The following LRP1B variants were observed in gnomAD, a reference collection of about 807,000 sequenced individuals.
LRP1B encodes the protein LDL receptor related protein 1B.
In LRP1B, 217 loss-of-function variants were observed where a neutral mutation model predicts 556.6. That is an observed-to-expected ratio of 0.39 (90% CI 0.35 to 0.44). The LOEUF is 0.44. Ranked by LOEUF, LRP1B falls within the 20% of genes least tolerant of loss-of-function variation. The pLI is 1.00. For missense variants in LRP1B, 5,053 were observed against 5,620.8 expected, an observed-to-expected ratio of 0.90 and a Z score of 3.23; for synonymous variants, 2,047 against 1,865.8, an observed-to-expected ratio of 1.10 and a Z score of -2.50.
chr2:141,442,129 T>G (rs1681000715), intron 3 of LRP1B, among the ~76,000 whole-genome samples: 2 of 152,304 alleles, frequency 1.3e-5, no homozygotes, highest in Admixed American at 1.3e-4. Context: ...GCTTTTCCTT[T>G]TCCATTTCCA....
intron 1 of LRP1B, among the ~76,000 whole-genome samples, chr2:141,941,712 G>A (rs1295866973): frequency 6.6e-6 from 1 of 152,170 alleles, no homozygotes; most frequent in Non-Finnish European, 1.5e-5. Flanking sequence ...GAAGAGTCCT[G>A]TAGAGCATTT....
rs141990349 is a variant in LRP1B, at chr2:141,160,863, A to T, written c.1013+27558T>A. Among the ~76,000 whole-genome samples, 13 of 151,252 alleles carry T rather than the reference A, an allele frequency of 8.6e-5. No homozygotes were observed. The East Asian group carries it at 1.8e-3, about 20-fold the overall frequency. On this transcript the variant is annotated intron_variant, in intron 7 of 90. Coordinates refer to ENST00000389484, the MANE Select transcript of LRP1B (RefSeq NM_018557.3). Reference sequence around the variant, plus strand: ...AAATTAATCTATATATATATATATAAAATAAGGTTCCAAAGGGCTATATAC... The same window carrying T: ...AAATTAATCTATATATATATATATATAATAAGGTTCCAAAGGGCTATATAC...
chr2:140,383,292 G>GA (rs1491187402), intron 67 of LRP1B, among the ~76,000 whole-genome samples: 1 of 139,702 alleles, frequency 7.2e-6, no homozygotes, highest in Non-Finnish European at 1.6e-5. Context: ...ACAGTGATGT[G>GA]CGTGTGTGTG....
chr2:141,242,284 G>A (rs1194695932), intron 5 of LRP1B, among the ~76,000 whole-genome samples: 2 of 151,988 alleles, frequency 1.3e-5, no homozygotes, highest in African/African-American at 4.8e-5. Context: ...TAAATTCTCC[G>A]CCTCCCAAAA....
chr2:140,916,515 C>T (rs534760373), intron 21 of LRP1B, among the ~76,000 whole-genome samples: 3 of 152,274 alleles, frequency 2.0e-5, no homozygotes, highest in African/African-American at 7.2e-5. Flanking sequence ...CCAGTCAGTT[C>T]TCTATGCCAG....
intron 6 of LRP1B, among the ~76,000 whole-genome samples, chr2:141,212,295 T>G (rs1260404115): frequency 2.8e-5 from 3 of 106,938 alleles, no homozygotes; most frequent in East Asian, 2.6e-4. Context: ...TTTTTTTTTT[T>G]TGTGACTGAG....
chr2:142,116,633 T>A (rs1707285492), intron 1 of LRP1B, among the ~76,000 whole-genome samples: 2 of 152,190 alleles, frequency 1.3e-5, no homozygotes, highest in Non-Finnish European at 2.9e-5. Context: ...GTTTTAATAT[T>A]GTATTATAGT....
At chr2:140,705,623 C>CT (rs1387182381) in intron 37 of LRP1B, among the ~76,000 whole-genome samples, 1 of 147,970 alleles carries the variant, frequency 6.8e-6, no homozygotes, top group East Asian at 2.1e-4. Flanking sequence ...AAGTCACTCT[C>CT]TTTTTTTCCA....
intron 43 of LRP1B, among the ~76,000 whole-genome samples, chr2:140,591,407 T>C (rs1461928856): frequency 2.1e-4 from 32 of 152,248 alleles, no homozygotes; most frequent in Admixed American, 2.0e-3. Flanking sequence ...TATCCAGCTA[T>C]TGACAGACCC....
At chr2:141,542,622 T>C (rs1685301712) in intron 2 of LRP1B, among the ~76,000 whole-genome samples, 2 of 152,116 alleles carry the variant, frequency 1.3e-5, no homozygotes, top group Admixed American at 6.6e-5. Context: ...AATTAGAGCC[T>C]CCAAGTATTG....
At chr2:141,920,124 A>G (rs529315299) in intron 1 of LRP1B, among the ~76,000 whole-genome samples, 5 of 152,004 alleles carry the variant, frequency 3.3e-5, no homozygotes, top group South Asian at 2.1e-4. Context: ...CTCAGTACCA[A>G]TGCACAGTCC....
chr2:141,321,315 A>G lies in LRP1B; in HGVS notation c.344-66674T>C, dbSNP rs545297298. ...ATTGGCTTGTAAAACTAAAAAGTAA[A>G]GAAATCAGGCACAGCTTTAATCAAG... On this transcript the variant is annotated intron_variant, in intron 3 of 90. Coordinates refer to ENST00000389484, the MANE Select transcript of LRP1B (RefSeq NM_018557.3). Among the ~76,000 whole-genome samples, 49 of 152,260 alleles carry G rather than the reference A, an allele frequency of 3.2e-4. No homozygotes were observed. In the South Asian group the frequency reaches 0.01, roughly 32 times the overall value.
intron 18 of LRP1B, among the ~76,000 whole-genome samples, chr2:140,972,874 C>T (rs1429360): frequency 0.73 from 110,120 of 149,854 alleles, 40,964 homozygotes; most frequent in Admixed American, 0.79. Flanking sequence ...TTTATAATGA[C>T]ACTATTTGGT....
In LRP1B at chr2:142,116,103, G is replaced by A. The variant is rs555608630; in HGVS notation, c.82+14545C>T. On this transcript the variant is annotated intron_variant, in intron 1 of 90. Coordinates refer to ENST00000389484, the MANE Select transcript of LRP1B (RefSeq NM_018557.3). ...GCGGTTGCATATGCCTGTAGTCCCA[G>A]CTACTCAAGAGCCTGGGAGGAGGAG... is the stretch of plus-strand genomic sequence containing the variant. 7.1e-5 allele frequency among the ~76,000 whole-genome samples: 10 copies of A among 140,702 alleles called. No individual in the cohort carries two copies. In the South Asian group the frequency reaches 2.3e-3, roughly 32 times the overall value. 92.3% of individuals were successfully genotyped at this position (140,702 alleles called of 152,430 possible).
intron 2 of LRP1B, among the ~76,000 whole-genome samples, chr2:141,653,397 A>G (rs1689872893): frequency 6.6e-6 from 1 of 152,188 alleles, no homozygotes; most frequent in Non-Finnish European, 1.5e-5. Context: ...GGCCAGAGAG[A>G]TTGCATCAGT....
At chr2:140,306,836 C>T (rs1573764764) in intron 83 of LRP1B, among the ~76,000 whole-genome samples, 1 of 152,056 alleles carries the variant, frequency 6.6e-6, no homozygotes, top group Non-Finnish European at 1.5e-5. Flanking sequence ...AAATGCGTCC[C>T]AGAGATTCTG....
At chr2:141,049,246 C>CAA (rs769105057) in intron 10 of LRP1B, 24 bp from the exon 11 acceptor site, 1 of 1,426,904 alleles carries the variant, frequency 7.0e-7, no homozygotes, top group Non-Finnish European at 9.9e-7. Flanking sequence ...ATTACAAACA[C>CAA]AAACAACTGA....
intron 41 of LRP1B, among the ~76,000 whole-genome samples, chr2:140,603,333 T>C (rs183645593): frequency 2.2e-3 from 332 of 152,220 alleles, no homozygotes; most frequent in Admixed American, 3.7e-3. Flanking sequence ...GGAAGAAAAG[T>C]TGATCATGGT....
At chr2:141,089,697 T>C (rs1242197662) in intron 7 of LRP1B, among the ~76,000 whole-genome samples, 1 of 152,188 alleles carries the variant, frequency 6.6e-6, no homozygotes, top group Non-Finnish European at 1.5e-5. Context: ...AGTTAAAGAA[T>C]GAGGGAGTTG....
Sources: gnomAD v4.1 joint callset for allele counts (sites outside exome capture counted in the v4.1 genomes callset) on GRCh38, gnomAD v4.1.1 for gene constraint, MANE v1.5 for transcripts, NCBI Gene and HGNC (gene_info 2026-07-23, HGNC 2026-07-21) for gene names.